Variants in FER1L5 observed in about 807,000 individuals in gnomAD.
FER1L5 encodes fer-1 like family member 5.
In FER1L5, 187 loss-of-function variants were observed where a neutral mutation model predicts 279.9. The ratio of observed to expected loss-of-function variants is 0.67; its 90% CI spans 0.59 to 0.75. The LOEUF (loss-of-function observed/expected upper bound fraction) is 0.75, where lower values mean the gene tolerates loss of function less well. Among genes scored for constraint, FER1L5 ranks in the 30% least tolerant of loss-of-function variants. FER1L5 has a pLI of 0.00. For missense variants in FER1L5, 2,091 were observed against 2,594.4 expected, an observed-to-expected ratio of 0.81 and a Z score of 4.21; for synonymous variants, 921 against 989.7, an observed-to-expected ratio of 0.93 and a Z score of 1.30.
chr2:96,688,498 C>G (rs567638865), intron 24 of FER1L5, among the ~76,000 whole-genome samples: 1 of 152,176 alleles, frequency 6.6e-6, no homozygotes, highest in African/African-American at 2.4e-5. Flanking sequence ...GCTCTAGAAC[C>G]AGAGGAGGGG....
chr2:96,659,351 TTCCTTCCTTCC>T (rs1176175798), intron 9 of FER1L5, among the ~76,000 whole-genome samples: 2,363 of 78,832 alleles, frequency 0.03, 177 homozygotes, highest in South Asian at 0.2. Context: ...CCTTCCTTCC[TTCCTTCCTTCC>T]TTCTTTCTTT....
At chr2:96,651,692 G>A (rs769518717) in intron 6 of FER1L5, among the ~76,000 whole-genome samples, 200 bp from the exon 7 acceptor site, 1 of 151,936 alleles carries the variant, frequency 6.6e-6, no homozygotes, top group Non-Finnish European at 1.5e-5. Context: ...TTGTAGAGAC[G>A]GGGTTTTGCC....
chr2:96,692,172 A>T lies in FER1L5; in HGVS notation c.3283A>T (p.Thr1095Ser), dbSNP rs2077179296. ...ARNLVSNQIL[T>S]FQGPFIRVVF... is the part of the protein sequence containing the mutation. The stretch of plus-strand genomic sequence containing the variant: ...GAACCTGGTGTCCAATCAGATCCTG[A>T]CATTCCAAGGTAGGTGGCAGGCAGC... The change falls in exon 31 of 53, where the codon ACA (threonine) becomes TCA (serine). Residue 1095 changes from threonine (T) to serine (S), a missense_variant. Transcript: ENST00000624922. The T allele has an allele frequency of 4.5e-6, 7 of 1,551,644 alleles. No individual in the cohort carries two copies. Among genetic ancestry groups the T allele is most frequent in the Non-Finnish European group, 6.1e-6 (7 of 1,146,970 alleles).
Position 96,694,476 on chromosome 2 carries a change from G to C in FER1L5, c.3741+12G>C. On this transcript the variant is annotated intron_variant, in intron 34 of 52. Transcript: ENST00000624922. The surrounding 1 kb of genome is among the most constrained non-coding windows in gnomAD (Gnocchi z 4.6). ...GGATGGCCATTGAGGTGCTGGCGAT[G>C]TGGGATGGGGACGGTGGGCAGGACA... 6.5e-7 allele frequency: 1 copy of C among 1,533,924 alleles called. No individual in the cohort carries two copies.
Position 96,693,993 on chromosome 2 carries a change from G to A in FER1L5, c.3557G>A (p.Arg1186Lys), listed in dbSNP as rs763154442. 3 of 1,551,454 alleles carry A rather than the reference G, an allele frequency of 1.9e-6. No homozygotes were observed. In the South Asian group the frequency reaches 3.6e-5, roughly 18 times the overall value. The change falls in exon 33 of 53, where the codon AGG (arginine) becomes AAG (lysine). Residue 1186 changes from arginine to lysine, a missense_variant. Transcript: ENST00000624922. ...CAGGACCGGATCCTGCCCCCCATGA[G>A]GTGGCATCCCCTTGTAAAGGAGTTG... Reference protein sequence around the residue: ...DLQDRILPPMRWHPLVKELGK... With the variant: ...DLQDRILPPMKWHPLVKELGK...
chr2:96,681,932 C>T (rs1236983890), intron 19 of FER1L5, among the ~76,000 whole-genome samples: 1 of 151,416 alleles, frequency 6.6e-6, no homozygotes, highest in East Asian at 1.9e-4. Context: ...ATTACAGGTG[C>T]ACACCACCAC....
intron 34 of FER1L5, 200 bp from the exon 35 acceptor site, chr2:96,695,309 G>T: frequency 1.5e-6 from 1 of 668,580 alleles, no homozygotes; most frequent in Non-Finnish European, 2.3e-6. Flanking sequence ...TCCCAGCCCC[G>T]AGGGCAAGCA....
At chr2:96,664,618 G>A (rs1050801183) in intron 14 of FER1L5, among the ~76,000 whole-genome samples, 5 of 152,130 alleles carry the variant, frequency 3.3e-5, no homozygotes, top group Non-Finnish European at 7.4e-5. Flanking sequence ...CCGGTTTGGG[G>A]CTGTTACAAT....
chr2:96,696,539 C>T (rs1193998549), intron 37 of FER1L5, among the ~76,000 whole-genome samples: 1 of 152,046 alleles, frequency 6.6e-6, no homozygotes, highest in Non-Finnish European at 1.5e-5. Context: ...GGTGATGCAC[C>T]CGCCTCGGCC....
At position 96,693,674 on chromosome 2, in the gene FER1L5, A is replaced by C; in HGVS notation, c.3461A>C (p.Gln1154Pro). 6.4e-7 allele frequency: 1 copy of C among 1,551,460 alleles called. No homozygotes were observed. The highest frequency in any genetic ancestry group is 8.7e-7 in the Non-Finnish European group (1 of 1,146,842). The change falls in exon 32 of 53, where the codon CAG (glutamine) becomes CCG (proline). Residue 1154 changes from glutamine (Q) to proline (P), a missense_variant. By Grantham distance (76) the Gln-to-Pro change is moderately conservative (BLOSUM62 -1). Transcript: ENST00000624922. ...CCGCTTGTGGTGCTGGAGCTGTGGC[A>C]GCGTGACTTCTGGGTAAGTTGGGCT... ...SPPLVVLELW[Q>P]RDFWGKESLW...
intron 2 of FER1L5, 78 bp from the exon 3 acceptor site, chr2:96,646,986 C>T: frequency 7.0e-7 from 1 of 1,425,778 alleles, no homozygotes; most frequent in South Asian, 1.3e-5. Flanking sequence ...GCCCGTTCCC[C>T]ACGTCTTTCC....
chr2:96,684,139 ACACATTCT>A (rs963400257), intron 19 of FER1L5, among the ~76,000 whole-genome samples, 180 bp from the exon 20 acceptor site: 1 of 152,200 alleles, frequency 6.6e-6, no homozygotes, highest in African/African-American at 2.4e-5. Flanking sequence ...GTCAAAGTGC[ACACATTCT>A]CACATTCTCA....
chr2:96,669,216 C>T, intron 17 of FER1L5, 79 bp downstream of exon 17: 1 of 1,365,332 alleles, frequency 7.3e-7, no homozygotes, highest in East Asian at 2.5e-5. Flanking sequence ...GGGACGTGCC[C>T]CGAGGCCCCG....
intron 19 of FER1L5, 125 bp downstream of exon 19, chr2:96,673,379 G>T: frequency 9.0e-7 from 1 of 1,105,792 alleles, no homozygotes; most frequent in Non-Finnish European, 1.2e-6. Context: ...TTTCACACAT[G>T]AAAAAATGAG....
chr2:96,699,798 G>A, intron 43 of FER1L5, 78 bp downstream of exon 43: 1 of 1,585,082 alleles, frequency 6.3e-7, no homozygotes. Flanking sequence ...GGAGAAGCCT[G>A]CATCCTGGGC....
Position 96,689,314 on chromosome 2 carries a change from G to A in FER1L5, c.2463G>A (p.Thr821=), listed in dbSNP as rs550936725. ...TGGGGAACAAGACCCTCCCCATGAC[G>A]GATTTCCAACCACCCCTGGGATGGC... The part of the protein sequence containing the change: ...DVMGNKTLPM[T]DFQPPLGWHW... Residue 821 remains threonine, a synonymous_variant, in exon 25 of 53, where the codon ACG becomes ACA. Coordinates refer to ENST00000624922, the MANE Select transcript of FER1L5 (RefSeq NM_001293083.2). This position sits in a 1 kb window ranked among gnomAD's most constrained non-coding sequence, Gnocchi z 4.6. The A allele has an allele frequency of 1.7e-5, 26 of 1,550,286 alleles. No individual in the cohort carries two copies. In the East Asian group the frequency reaches 1.7e-4, roughly 10 times the overall value.
chr2:96,697,376 C>T (rs1004828391), intron 37 of FER1L5, 150 bp from the exon 38 acceptor site: 1 of 790,202 alleles, frequency 1.3e-6, no homozygotes, highest in Non-Finnish European at 2.1e-6. Flanking sequence ...CCCTAGATCC[C>T]ATTTCTAAAG....
chr2:96,645,154 A>G (rs995924779), intron 1 of FER1L5, among the ~76,000 whole-genome samples: 4 of 152,120 alleles, frequency 2.6e-5, no homozygotes, highest in Non-Finnish European at 4.4e-5. Context: ...TCGTTAGGGT[A>G]CACTGGGCTT....
At chr2:96,645,893 A>G (rs1414061626) in intron 1 of FER1L5, among the ~76,000 whole-genome samples, 1 of 152,146 alleles carries the variant, frequency 6.6e-6, no homozygotes, top group Non-Finnish European at 1.5e-5. Context: ...AAAATCAAGA[A>G]ATGTTGAACC....
Sources: allele counts gnomAD v4.1 joint callset (sites outside exome capture counted in the v4.1 genomes callset), GRCh38; gene constraint gnomAD v4.1.1; non-coding constraint Gnocchi (gnomAD v3.1); transcripts MANE v1.5; gene names NCBI Gene and HGNC (gene_info 2026-07-23, HGNC 2026-07-21).